Variants in INTS1 observed in about 807,000 individuals in gnomAD.
INTS1 encodes the protein integrator complex subunit 1.
INTS1 carries 137 observed loss-of-function variants against 241.6 expected under a neutral mutation model. That is an observed-to-expected ratio of 0.57 (90% CI 0.49 to 0.65). The LOEUF (loss-of-function observed/expected upper bound fraction) is 0.65, where lower values mean the gene tolerates loss of function less well. INTS1 is among the 30% of genes least tolerant of loss of function. The pLI is 0.00. For missense variants in INTS1, 3,073 were observed against 3,032.2 expected, an observed-to-expected ratio of 1.01 and a Z score of -0.32; for synonymous variants, 1,692 against 1,337.8, an observed-to-expected ratio of 1.26 and a Z score of -5.78.
At chr7:1,471,696 C>T in intron 44 of INTS1, 55 bp from the exon 45 acceptor site, 1 of 1,556,354 alleles carries the variant, frequency 6.4e-7, no homozygotes, top group Non-Finnish European at 8.8e-7. Context: ...GACCTCTGCC[C>T]ACCCCACCCC....
chr7:1,480,441 T>C lies in INTS1; in HGVS notation c.3950A>G (p.Asp1317Gly), dbSNP rs187845066. The change falls in exon 30 of 48, where the codon GAC becomes GGC. Residue 1317 changes from aspartate to glycine, a missense_variant and splice_region_variant. Coordinates refer to ENST00000404767, the MANE Select transcript of INTS1 (RefSeq NM_001080453.3). ...CTTTGGTTTGGGTGCCTCTGTGCTG[T>C]CTGCAGAGACAGGAGAACTGTCAGT... is the stretch of plus-strand genomic sequence containing the variant. ...LLTASLPPRR[D>G]STEAPKPKSS... is the part of the protein sequence containing the mutation. 5,342 of 1,612,534 alleles carry C rather than the reference T, an allele frequency of 3.3e-3. 13 individuals are homozygous for C. Among genetic ancestry groups the C allele is most frequent in the Non-Finnish European group, 3.5e-3 (4,180 of 1,179,160 alleles).
At chr7:1,486,303 G>T (rs1782264344) in intron 22 of INTS1, among the ~76,000 whole-genome samples, 1 of 148,236 alleles carries the variant, frequency 6.7e-6, no homozygotes, top group African/African-American at 2.5e-5. Context: ...TTCACTTGTT[G>T]CCCAGGCTGG....
chr7:1,478,334 C>T (rs779953303), intron 33 of INTS1, 32 bp downstream of exon 33: 22 of 1,606,368 alleles, frequency 1.4e-5, no homozygotes, highest in African/African-American at 2.7e-5. Flanking sequence ...CCAGGGCCGC[C>T]GTGGCCCAAG....
Position 1,497,629 on chromosome 7 carries a change from C to G in INTS1, c.1426-315G>C, listed in dbSNP as rs890154229. ...TAGAAGCGCGTGTGCCATCTCAGCC[C>G]ACCCGTGCGCCACGGGCTGAACGGA... On this transcript the variant is annotated intron_variant, in intron 10 of 47. Transcript: ENST00000404767. The surrounding 1 kb of genome is among the most constrained non-coding windows in gnomAD (Gnocchi z 5.3). 6.6e-6 allele frequency among the ~76,000 whole-genome samples: 1 copy of G among 152,242 alleles called. No individual in the cohort carries two copies. The highest frequency in any genetic ancestry group is 2.4e-5 in the African/African-American group (1 of 41,468).
intron 10 of INTS1, among the ~76,000 whole-genome samples, chr7:1,498,068 C>T (rs7778207): frequency 0.54 from 81,653 of 152,100 alleles, 23,735 homozygotes; most frequent in African/African-American, 0.77. Context: ...TTAAAAACTA[C>T]CTTACTATCC....
chr7:1,474,629 G>A (rs1365042816), intron 40 of INTS1, 76 bp downstream of exon 40: 2 of 1,476,184 alleles, frequency 1.4e-6, no homozygotes, highest in Non-Finnish European at 1.8e-6. Flanking sequence ...TTTTGCTCTT[G>A]TTGCCCAGGC....
intron 33 of INTS1, 58 bp from the exon 34 acceptor site, chr7:1,477,994 G>T: frequency 6.9e-7 from 1 of 1,448,394 alleles, no homozygotes; most frequent in Non-Finnish European, 9.7e-7. Flanking sequence ...GGGCCGCTGA[G>T]TGGGTGTGGG....
rs74941213 is a variant in INTS1 at position 1,488,075 on chromosome 7, A to G, written c.2319-118T>C. The G allele has an allele frequency of 9.5e-3, 9,961 of 1,050,502 alleles. 428 individuals are homozygous for G. The African/African-American group carries it at 0.11, about 11-fold the overall frequency. The allele number at this position is 1,050,502 out of a possible 1,614,324, so 65.1% of individuals were successfully genotyped here. A position where few individuals can be genotyped will look rare whatever the true frequency, so the allele number is the denominator to read the frequency against. ...ACGGCTGCTGCTGCCTCTGCTGCAC[A>G]GCAGTCAGGAGCACAGGGCGCCCGG... On this transcript the variant is annotated intron_variant, in intron 18 of 47. Transcript: ENST00000404767.
In INTS1 at chr7:1,485,216, T is replaced by C; in HGVS notation, c.3157-14A>G. On this transcript the variant is annotated splice_polypyrimidine_tract_variant and intron_variant, in intron 23 of 47. Coordinates refer to ENST00000404767, the MANE Select transcript of INTS1 (RefSeq NM_001080453.3). ...CATGTGGATTGCCTGGAGGGGAGGG[T>C]GGTCTGAGCGGCAACAGGGCAGGGC... 6.3e-7 allele frequency: 1 copy of C among 1,598,680 alleles called. No homozygotes were observed.
At position 1,487,492 on chromosome 7, in the gene INTS1, G is replaced by A. The variant is rs201983946; in HGVS notation, c.2517-43C>T. The A allele has an allele frequency of 2.4e-5, 39 of 1,593,046 alleles. No homozygotes were observed. In the East Asian group the frequency reaches 6.8e-4, roughly 28 times the overall value. ...CACGGTGCGTCAGCACGCCCTGAGC[G>A]GATCACCCCCAGAACCCCTCCTCCT... On this transcript the variant is annotated intron_variant, in intron 19 of 47. Transcript: ENST00000404767.
chr7:1,498,526 G>A lies in INTS1; in HGVS notation c.1311C>T (p.Asn437=). The change falls in exon 10 of 48, where the codon AAC becomes AAT. Residue 437 remains asparagine, a synonymous_variant. Coordinates refer to ENST00000404767, the MANE Select transcript of INTS1 (RefSeq NM_001080453.3). ...TCACCAACTTGATGGTGGTGCCCAG[G>A]TTGTCCTTGTGCGCGCTCAGCAGCT... ...IRELLSAHKD[N]LGTTIKLVIF... The A allele has an allele frequency of 1.2e-6, 2 of 1,613,850 alleles. No individual in the cohort carries two copies. The highest frequency in any genetic ancestry group is 1.7e-6 in the Non-Finnish European group (2 of 1,179,858).
chr7:1,476,949 T>G, intron 35 of INTS1, 31 bp from the exon 36 acceptor site: 1 of 1,594,152 alleles, frequency 6.3e-7, no homozygotes, highest in Non-Finnish European at 8.5e-7. Flanking sequence ...CCGGATGGCC[T>G]CACCTGGGCC....
In INTS1 at chr7:1,479,431, T is replaced by C; in HGVS notation, c.4328A>G (p.Gln1443Arg). ...CGCAAGAGGCCCACGCCCAAGTACC[T>C]GGTACTGGCAGAGCTGGCGCAGCAG... ...CPLLRQLCQY[Q>R]RCVPQDTGFS... Residue 1443 changes from glutamine to arginine, a missense_variant and splice_region_variant, in exon 31 of 48, where the codon CAG becomes CGG. Transcript: ENST00000404767. 1.3e-6 allele frequency: 2 copies of C among 1,575,942 alleles called. No homozygotes were observed. Among genetic ancestry groups the C allele is most frequent in the Non-Finnish European group, 1.7e-6 (2 of 1,161,790 alleles).
rs1782212794 is a variant in INTS1 at position 1,485,466 on chromosome 7, A to G, written c.2980T>C (p.Leu994=). 9 of 1,612,080 alleles carry G rather than the reference A, an allele frequency of 5.6e-6. No homozygotes were observed. Among genetic ancestry groups the G allele is most frequent in the Middle Eastern group, 1.6e-4 (1 of 6,062 alleles). Residue 994 remains leucine, a synonymous_variant, in exon 23 of 48, where the codon TTG becomes CTG. Transcript: ENST00000404767. ...VASRVLAMKG[L]SLVLSEGSLR... is the part of the protein sequence containing the mutation. ...CTGCCCTCCGAAAGCACCAGCGACAAACCCTGTGGCAGACACTCATGAGCT... is the reference window on the plus strand; with the variant it reads ...CTGCCCTCCGAAAGCACCAGCGACAGACCCTGTGGCAGACACTCATGAGCT...
chr7:1,485,231 C>A (rs769866602), intron 23 of INTS1, 29 bp from the exon 24 acceptor site: 2 of 1,598,120 alleles, frequency 1.3e-6, no homozygotes, highest in African/African-American at 1.3e-5. Flanking sequence ...TGAGCGGCAA[C>A]AGGGCAGGGC....
chr7:1,483,565 G>C (rs773096489), intron 26 of INTS1, 177 bp downstream of exon 26: 16 of 650,078 alleles, frequency 2.5e-5, no homozygotes, highest in Non-Finnish European at 4.5e-5. Context: ...CAAGTGCTCA[G>C]AGACACGCGG....
At chr7:1,479,113 G>A (rs958247308) in intron 31 of INTS1, among the ~76,000 whole-genome samples, 7 of 152,208 alleles carry the variant, frequency 4.6e-5, no homozygotes, top group Non-Finnish European at 8.8e-5. Flanking sequence ...GGGCTCCCAC[G>A]CGGTTCAAAG....
At chr7:1,483,318 G>A in intron 26 of INTS1, 1 of 322,284 alleles carries the variant, frequency 3.1e-6, no homozygotes, top group Non-Finnish European at 6.1e-6. Context: ...CACTGCGCTG[G>A]CCAGAGCGTC....
intron 26 of INTS1, 85 bp from the exon 27 acceptor site, chr7:1,482,792 T>A: frequency 6.7e-7 from 1 of 1,486,444 alleles, no homozygotes; most frequent in Middle Eastern, 1.8e-4. Flanking sequence ...TAGAGGCACC[T>A]CCTCTCCCGA....
Sources: gnomAD v4.1 joint callset for allele counts (sites outside exome capture counted in the v4.1 genomes callset) on GRCh38, gnomAD v4.1.1 for gene constraint, Gnocchi (gnomAD v3.1) non-coding constraint, MANE v1.5 for transcripts, NCBI Gene and HGNC (gene_info 2026-07-23, HGNC 2026-07-21) for gene names.